The following FOXK1 variants were observed in gnomAD, a reference collection of about 807,000 sequenced individuals.
The protein encoded by FOXK1 is forkhead box protein K1.
In FOXK1, 19 loss-of-function variants were observed where a neutral mutation model predicts 51.9. The ratio of observed to expected loss-of-function variants is 0.37; its 90% CI spans 0.26 to 0.54. FOXK1 has a LOEUF of 0.54. Ranked by LOEUF, FOXK1 falls within the 20% of genes least tolerant of loss-of-function variation. The pLI, the probability that FOXK1 is intolerant of heterozygous loss-of-function variation, is 0.87. For missense variants in FOXK1, 870 were observed against 1,032.7 expected, an observed-to-expected ratio of 0.84 and a Z score of 2.16; for synonymous variants, 537 against 482.6, an observed-to-expected ratio of 1.11 and a Z score of -1.48.
chr7:4,741,450 T>C (rs1780632835), intron 2 of FOXK1, among the ~76,000 whole-genome samples: 1 of 152,118 alleles, frequency 6.6e-6, no homozygotes. Flanking sequence ...TGCCTCAGCC[T>C]CCCGAGTAGC....
chr7:4,753,137 G>A lies in FOXK1; in HGVS notation c.747-1322G>A, dbSNP rs1780800527. On this transcript the variant is annotated intron_variant, in intron 2 of 8. Transcript: ENST00000328914. This position sits in a 1 kb window ranked among gnomAD's most constrained non-coding sequence, Gnocchi z 4.9. Reference sequence around the variant, plus strand: ...ATCAGAGTCCTTAACGTTCCATGTGGGTGACACTGAGTCCTTCCTGAAAAT... The same window carrying A: ...ATCAGAGTCCTTAACGTTCCATGTGAGTGACACTGAGTCCTTCCTGAAAAT... Among the ~76,000 whole-genome samples, 1 of 152,144 alleles carries A rather than the reference G, an allele frequency of 6.6e-6. No homozygotes were observed.
chr7:4,736,607 G>A (rs538580324), intron 1 of FOXK1, among the ~76,000 whole-genome samples: 2 of 151,952 alleles, frequency 1.3e-5, no homozygotes, highest in Admixed American at 1.3e-4. Context: ...AGAGAGGGGG[G>A]TTTTGCCTTT....
At chr7:4,704,823 T>C (rs1257442720) in intron 1 of FOXK1, among the ~76,000 whole-genome samples, 1 of 147,966 alleles carries the variant, frequency 6.8e-6, no homozygotes, top group Non-Finnish European at 1.5e-5. Flanking sequence ...CAAACCAATC[T>C]ATGTTTCATT....
In FOXK1 at chr7:4,769,092, C is replaced by T. The variant is rs1037612597; in HGVS notation, c.*6628C>T. ...ATCCTAATGGCTGGTTTTGGCTGCC[C>T]GGAGTATCAGAGAATATCACTAAGA... On this transcript the variant is annotated 3_prime_UTR_variant, in exon 9 of 9. Coordinates refer to ENST00000328914, the MANE Select transcript of FOXK1 (RefSeq NM_001037165.2). This position sits in a 1 kb window ranked among gnomAD's most constrained non-coding sequence, Gnocchi z 4.1. The T allele has an allele frequency of 7.9e-5, 12 of 152,110 alleles. No individual in the cohort carries two copies. The highest frequency in any genetic ancestry group is 1.2e-4 in the African/African-American group (5 of 41,396). The allele number at this position is 152,110 out of a possible 1,614,324, so 9.4% of individuals were successfully genotyped here. A position where few individuals can be genotyped will look rare whatever the true frequency, so the allele number is the denominator to read the frequency against.
rs779843272 is a variant in FOXK1, at chr7:4,741,000, C to G, written c.723C>G (p.Val241=). The G allele has an allele frequency of 1.3e-6, 2 of 1,534,672 alleles. No homozygotes were observed. Among genetic ancestry groups the G allele is most frequent in the South Asian group, 1.3e-5 (1 of 79,356 alleles). The change falls in exon 2 of 9, where the codon GTC becomes GTG. Residue 241 remains valine (V), a synonymous_variant. Transcript: ENST00000328914. ...ACCTCCGGAGCATGGTCAGCCCCGT[C>G]CCCTCCCCGACGGGCACCATCAGGT... ...EPDLRSMVSP[V]PSPTGTISVP... is the part of the protein sequence containing the mutation.
At chr7:4,732,801 C>T (rs999738394) in intron 1 of FOXK1, among the ~76,000 whole-genome samples, 1 of 152,226 alleles carries the variant, frequency 6.6e-6, no homozygotes, top group African/African-American at 2.4e-5. Flanking sequence ...TCTGGCTCTA[C>T]TGCTGCCCTC....
At chr7:4,725,617 G>A (rs1198192092) in intron 1 of FOXK1, among the ~76,000 whole-genome samples, 2 of 152,272 alleles carry the variant, frequency 1.3e-5, no homozygotes, top group African/African-American at 2.4e-5. Flanking sequence ...CCCATGCTCC[G>A]GGCGTGTGGC....
chr7:4,711,652 G>A lies in FOXK1; in HGVS notation c.560+28784G>A, dbSNP rs1008350324. Among the ~76,000 whole-genome samples the A allele has an allele frequency of 5.9e-5, 9 of 152,156 alleles. No homozygotes were observed. Among genetic ancestry groups the A allele is most frequent in the East Asian group, 5.8e-4 (3 of 5,190 alleles). ...GGTAGTGAGAATAATTACTAAGGGC[G>A]TCATACCCTCTCGTATCTGCATCAC... On this transcript the variant is annotated intron_variant, in intron 1 of 8. Coordinates refer to ENST00000328914, the MANE Select transcript of FOXK1 (RefSeq NM_001037165.2). The surrounding 1 kb of genome is among the most constrained non-coding windows in gnomAD (Gnocchi z 6.3).
chr7:4,688,337 A>T (rs1467813370), intron 1 of FOXK1, among the ~76,000 whole-genome samples: 1 of 149,936 alleles, frequency 6.7e-6, no homozygotes, highest in Non-Finnish European at 1.5e-5. Context: ...ACTGTCCTCA[A>T]ATAATCAGTG....
In FOXK1 at chr7:4,758,755, C is replaced by T. The variant is rs1780889012; in HGVS notation, c.1245-296C>T. The T allele has an allele frequency of 8.0e-6, 3 of 374,606 alleles. No homozygotes were observed. Among genetic ancestry groups the T allele is most frequent in the Non-Finnish European group, 1.4e-5 (3 of 208,564 alleles). The allele number at this position is 374,606 out of a possible 1,614,324, so 23.2% of individuals were successfully genotyped here. On this transcript the variant is annotated intron_variant, in intron 5 of 8. Coordinates refer to ENST00000328914, the MANE Select transcript of FOXK1 (RefSeq NM_001037165.2). The surrounding 1 kb of genome is among the most constrained non-coding windows in gnomAD (Gnocchi z 4.4). Reference sequence around the variant, plus strand: ...AAGGCCTGGGCCATTTTCATGGACACCTGGCTGGACCTCGGTGGAAGTGAA... The same window carrying T: ...AAGGCCTGGGCCATTTTCATGGACATCTGGCTGGACCTCGGTGGAAGTGAA...
intron 1 of FOXK1, among the ~76,000 whole-genome samples, chr7:4,708,246 G>A (rs374814215): frequency 3.7e-4 from 57 of 152,262 alleles, no homozygotes; most frequent in African/African-American, 1.3e-3. Context: ...TTTTATCCTG[G>A]CTGGCAGAGA....
Position 4,729,140 on chromosome 7 carries a change from G to A in FOXK1, c.561-11698G>A, listed in dbSNP as rs746521560. Among the ~76,000 whole-genome samples, 19 of 152,194 alleles carry A rather than the reference G, an allele frequency of 1.2e-4. No homozygotes were observed. The highest frequency in any genetic ancestry group is 2.2e-4 in the Non-Finnish European group (15 of 68,040). The stretch of plus-strand genomic sequence containing the variant: ...TAAAGAGCCTAGTCCATCTTTACGC[G>A]GTCTTTTTACGTCTGTTTAAGCCAC... On this transcript the variant is annotated intron_variant, in intron 1 of 8. Transcript: ENST00000328914. This position sits in a 1 kb window ranked among gnomAD's most constrained non-coding sequence, Gnocchi z 6.2.
At position 4,707,943 on chromosome 7, in the gene FOXK1, A is replaced by G. The variant is rs1780125694; in HGVS notation, c.560+25075A>G. Among the ~76,000 whole-genome samples, 1 of 152,022 alleles carries G rather than the reference A, an allele frequency of 6.6e-6. No individual in the cohort carries two copies. Among genetic ancestry groups the G allele is most frequent in the Non-Finnish European group, 1.5e-5 (1 of 68,006 alleles). ...AGTGATCCACCCTCCTCAGCCTCCCAAAGTGCTGGGATTACACCCATGAGC... is the reference window on the plus strand; with the variant it reads ...AGTGATCCACCCTCCTCAGCCTCCCGAAGTGCTGGGATTACACCCATGAGC... On this transcript the variant is annotated intron_variant, in intron 1 of 8. Coordinates refer to ENST00000328914, the MANE Select transcript of FOXK1 (RefSeq NM_001037165.2). The surrounding 1 kb of genome is among the most constrained non-coding windows in gnomAD (Gnocchi z 4.1).
At chr7:4,741,135 A>G (rs554455526) in intron 2 of FOXK1, 112 bp downstream of exon 2, 2 of 712,106 alleles carry the variant, frequency 2.8e-6, no homozygotes, top group Admixed American at 8.5e-5. Context: ...TTGCACGTGC[A>G]TGGAAATACA....
intron 1 of FOXK1, among the ~76,000 whole-genome samples, chr7:4,716,945 T>G (rs539043026): frequency 3.3e-5 from 5 of 152,098 alleles, no homozygotes; most frequent in African/African-American, 1.2e-4. Context: ...TTGTACGTGG[T>G]GGGAGGCGCA....
At chr7:4,720,497 A>G (rs1044559328) in intron 1 of FOXK1, among the ~76,000 whole-genome samples, 22 of 152,134 alleles carry the variant, frequency 1.4e-4, no homozygotes, top group African/African-American at 4.8e-4. Flanking sequence ...CCATTCATTG[A>G]GGTTTCATTT....
rs765865658 is a variant in FOXK1, at chr7:4,766,572, G to A, written c.*4108G>A. 1.3e-5 allele frequency: 2 copies of A among 152,312 alleles called. No individual in the cohort carries two copies. Among genetic ancestry groups the A allele is most frequent in the African/African-American group, 2.4e-5 (1 of 41,476 alleles). 9.4% of individuals were successfully genotyped at this position (152,312 alleles called of 1,614,324 possible). On this transcript the variant is annotated 3_prime_UTR_variant, in exon 9 of 9. Coordinates refer to ENST00000328914, the MANE Select transcript of FOXK1 (RefSeq NM_001037165.2). This position sits in a 1 kb window ranked among gnomAD's most constrained non-coding sequence, Gnocchi z 5.5. ...GGAATGAATTTCTGAGTTGCTGAGT[G>A]TTCCCTGCTCCTAGGTACCACGCTC...
At chr7:4,717,042 G>A (rs35260343) in intron 1 of FOXK1, among the ~76,000 whole-genome samples, 35,673 of 147,002 alleles carry the variant, frequency 0.24, 5,298 homozygotes, top group Non-Finnish European at 0.35. Flanking sequence ...TGGGAGGCAC[G>A]TGGCTGGGAG....
chr7:4,753,977 C>T lies in FOXK1; in HGVS notation c.747-482C>T, dbSNP rs1409080414. On this transcript the variant is annotated intron_variant, in intron 2 of 8. Transcript: ENST00000328914. The surrounding 1 kb of genome is among the most constrained non-coding windows in gnomAD (Gnocchi z 4.9). ...CCTGCCACGCCTTCACCCTGCAGGG[C>T]GATGGCACCTCCACAGCCTCTTTCC... 2.0e-5 allele frequency among the ~76,000 whole-genome samples: 3 copies of T among 152,210 alleles called. No individual in the cohort carries two copies. In the East Asian group the frequency reaches 5.8e-4, roughly 29 times the overall value.
Sources: gnomAD v4.1 joint callset for allele counts (sites outside exome capture counted in the v4.1 genomes callset) on GRCh38, gnomAD v4.1.1 for gene constraint, Gnocchi (gnomAD v3.1) non-coding constraint, MANE v1.5 for transcripts, NCBI Gene and HGNC (gene_info 2026-07-23, HGNC 2026-07-21) for gene names.